EPB41L3: variants seen among roughly 807,000 people sequenced by gnomAD.
EPB41L3 encodes band 4.1-like protein 3.
EPB41L3 carries 57 observed loss-of-function variants against 127.1 expected under a neutral mutation model. The observed-to-expected ratio is 0.45, with a 90% CI of 0.36 to 0.56. The LOEUF is 0.56. EPB41L3 is among the 20% of genes least tolerant of loss of function. The pLI, the probability that EPB41L3 is intolerant of heterozygous loss-of-function variation, is 0.00. For synonymous variants in EPB41L3, 572 were observed against 549.5 expected (o/e 1.04, Z -0.57); for missense variants, 1,273 against 1,372.2 (o/e 0.93, Z 1.14).
intron 16 of EPB41L3, chr18:5,401,068 T>C (rs1324884651): frequency 6.8e-7 from 1 of 1,471,538 alleles, no homozygotes; most frequent in Non-Finnish European, 9.2e-7. Context: ...GGGGTTGGGT[T>C]GGAGAAGAGG....
At chr18:5,611,568 G>A (rs1036390910) in intron 3 of EPB41L3, among the ~76,000 whole-genome samples, 3 of 152,184 alleles carry the variant, frequency 2.0e-5, no homozygotes, top group Admixed American at 6.5e-5. Flanking sequence ...TAATGAGGCC[G>A]AGACTATTTA....
In EPB41L3 at chr18:5,397,335, G is replaced by A. The variant is rs146680155; in HGVS notation, c.2564C>T (p.Thr855Ile). 15 of 1,613,886 alleles carry A rather than the reference G, an allele frequency of 9.3e-6. No homozygotes were observed. Among genetic ancestry groups the A allele is most frequent in the Non-Finnish European group, 1.3e-5 (15 of 1,180,038 alleles). ...CACACGCCGCTCCTCCACCAACACGGTCTCCTGCACCACCTTCTCAGTGCT... is the reference window on the plus strand; with the variant it reads ...CACACGCCGCTCCTCCACCAACACGATCTCCTGCACCACCTTCTCAGTGCT... ...PLSTEKVVQE[T>I]VLVEERRVVH... Residue 855 changes from threonine (T) to isoleucine (I), a missense_variant, in exon 18 of 23, where the codon ACC becomes ATC. By Grantham distance (89) the Thr-to-Ile change is moderately conservative (BLOSUM62 -1). Transcript: ENST00000341928. This position sits in a 1 kb window ranked among gnomAD's most constrained non-coding sequence, Gnocchi z 4.1.
intron 18 of EPB41L3, among the ~76,000 whole-genome samples, 189 bp downstream of exon 18, chr18:5,396,869 T>TGACA (rs2073605358): frequency 6.6e-6 from 1 of 152,140 alleles, no homozygotes. Flanking sequence ...TGTTTGCATG[T>TGACA]GACACCAAAG....
At chr18:5,628,475 G>T (rs1447239136) in intron 1 of EPB41L3, among the ~76,000 whole-genome samples, 1 of 152,204 alleles carries the variant, frequency 6.6e-6, no homozygotes, top group African/African-American at 2.4e-5. Flanking sequence ...GGTCCGCCTG[G>T]CCTCGCCTCG....
intron 11 of EPB41L3, 73 bp downstream of exon 11, chr18:5,423,305 G>T: frequency 7.1e-7 from 1 of 1,399,274 alleles, no homozygotes; most frequent in South Asian, 1.8e-5. Context: ...TATACTTACT[G>T]AAAGCTCATG....
At chr18:5,550,641 G>A (rs1388553754) in intron 3 of EPB41L3, among the ~76,000 whole-genome samples, 1 of 152,152 alleles carries the variant, frequency 6.6e-6, no homozygotes, top group Admixed American at 6.5e-5. Flanking sequence ...GATACCAGAT[G>A]ACATCTGTTA....
chr18:5,528,321 A>C (rs1253536922), intron 1 of EPB41L3, among the ~76,000 whole-genome samples: 1 of 151,950 alleles, frequency 6.6e-6, no homozygotes, highest in Non-Finnish European at 1.5e-5. Context: ...ACAGGCACAC[A>C]CCACCACGCC....
chr18:5,604,206 TGTCC>T (rs2143860931), intron 3 of EPB41L3, among the ~76,000 whole-genome samples: 1 of 152,234 alleles, frequency 6.6e-6, no homozygotes, highest in Non-Finnish European at 1.5e-5. Context: ...ATAGTTTAAA[TGTCC>T]TTACCCACCA....
intron 6 of EPB41L3, among the ~76,000 whole-genome samples, chr18:5,436,363 CAT>C (rs1035724109): frequency 3.3e-5 from 5 of 150,494 alleles, no homozygotes; most frequent in African/African-American, 7.3e-5. Context: ...ACAAATATTA[CAT>C]GAGTCAACAG....
At chr18:5,534,414 C>T (rs1361015337) in intron 1 of EPB41L3, among the ~76,000 whole-genome samples, 1 of 152,114 alleles carries the variant, frequency 6.6e-6, no homozygotes, top group Non-Finnish European at 1.5e-5. Flanking sequence ...AAGTACTTGT[C>T]GGGACATAAG....
intron 3 of EPB41L3, among the ~76,000 whole-genome samples, chr18:5,598,514 A>G (rs2094558430): frequency 1.3e-5 from 2 of 152,228 alleles, no homozygotes; most frequent in Non-Finnish European, 2.9e-5. Context: ...CATGTTCAAA[A>G]TGGTAAATAT....
intron 1 of EPB41L3, among the ~76,000 whole-genome samples, chr18:5,514,572 A>G (rs1405459546): frequency 6.6e-6 from 1 of 152,168 alleles, no homozygotes; most frequent in African/African-American, 2.4e-5. Context: ...TGGATACTAA[A>G]TGTGTGTATC....
At chr18:5,620,622 C>T (rs2094849822) in intron 1 of EPB41L3, among the ~76,000 whole-genome samples, 1 of 152,034 alleles carries the variant, frequency 6.6e-6, no homozygotes, top group South Asian at 2.1e-4. Context: ...GACAATATTC[C>T]CCAGGACTCA....
intron 3 of EPB41L3, among the ~76,000 whole-genome samples, chr18:5,598,697 C>T (rs530771790): frequency 6.6e-6 from 1 of 152,260 alleles, no homozygotes; most frequent in African/African-American, 2.4e-5. Flanking sequence ...AAGGAAGGCT[C>T]TCATTGCTGG....
intron 16 of EPB41L3, chr18:5,398,634 T>A (rs1255997448): frequency 2.5e-6 from 1 of 401,720 alleles, no homozygotes; most frequent in Non-Finnish European, 4.4e-6. Flanking sequence ...GTGGCCCCAA[T>A]GAGTGACACT....
intron 13 of EPB41L3, 33 bp from the exon 14 acceptor site, chr18:5,410,652 G>C: frequency 6.3e-7 from 1 of 1,593,360 alleles, no homozygotes; most frequent in South Asian, 1.1e-5. Flanking sequence ...GGTTCCAGGA[G>C]GAAGGCAGGG....
In EPB41L3 at chr18:5,397,449, A is replaced by G. The variant is rs766237288; in HGVS notation, c.2473-23T>C. 3 of 1,588,808 alleles carry G rather than the reference A, an allele frequency of 1.9e-6. No homozygotes were observed. In the South Asian group the frequency reaches 3.4e-5, roughly 18 times the overall value. On this transcript the variant is annotated intron_variant, in intron 17 of 22. Transcript: ENST00000341928. The surrounding 1 kb of genome is among the most constrained non-coding windows in gnomAD (Gnocchi z 4.1). Reference sequence around the variant, plus strand: ...TTTCTGCATGGGAAGAGATTGTGGCATCAGTGTGACCATCCATAAACCAAA... The same window carrying G: ...TTTCTGCATGGGAAGAGATTGTGGCGTCAGTGTGACCATCCATAAACCAAA...
In EPB41L3 at chr18:5,445,159, C is replaced by A; in HGVS notation, c.467G>T (p.Arg156Leu). The A allele has an allele frequency of 1.2e-6, 2 of 1,613,934 alleles. No homozygotes were observed. Among genetic ancestry groups the A allele is most frequent in the East Asian group, 4.5e-5 (2 of 44,874 alleles). The part of the protein sequence containing the change: ...LEKDYFGLTY[R>L]DAENQKNWLD... ...ACTCACCTTCTGGTTTTCAGCATCT[C>A]GATACGTAAGCCCAAAGTAGTCTTT... The change falls in exon 4 of 23, where the codon CGA becomes CTA. Residue 156 changes from arginine to leucine, a missense_variant. Physicochemically the swap from Arg to Leu is moderately radical, Grantham distance 102. This residue lies in a region of EPB41L3 where 326 missense variants were observed against 440.2 expected (regional missense o/e 0.74). Coordinates refer to ENST00000341928, the MANE Select transcript of EPB41L3 (RefSeq NM_012307.5).
At chr18:5,628,390 GC>G (rs1172020899) in intron 1 of EPB41L3, among the ~76,000 whole-genome samples, 1 of 152,212 alleles carries the variant, frequency 6.6e-6, no homozygotes, top group Non-Finnish European at 1.5e-5. Context: ...ACTGGCGGGG[GC>G]GGGGGTCTGT....
Sources: allele counts gnomAD v4.1 joint callset (sites outside exome capture counted in the v4.1 genomes callset), GRCh38; gene constraint gnomAD v4.1.1; regional missense constraint gnomAD v4.1.1; non-coding constraint Gnocchi (gnomAD v3.1); transcripts MANE v1.5; gene names NCBI Gene and HGNC (gene_info 2026-07-23, HGNC 2026-07-21).